ADGRL2: variants seen among roughly 807,000 people sequenced by gnomAD.
The protein encoded by ADGRL2 is adhesion G protein-coupled receptor L2, also known as calcium-independent alpha-latrotoxin receptor 2.
In ADGRL2, 44 loss-of-function variants were observed where a neutral mutation model predicts 157.4. That is an observed-to-expected ratio of 0.28 (90% confidence interval 0.22 to 0.36). The LOEUF (loss-of-function observed/expected upper bound fraction) is 0.36, where lower values mean the gene tolerates loss of function less well. Ranked by LOEUF, ADGRL2 falls within the 10% of genes least tolerant of loss-of-function variation. ADGRL2 has a pLI of 1.00. For missense variants in ADGRL2, 1,510 were observed against 1,768.9 expected (o/e 0.85, Z 2.63); for synonymous variants, 585 against 624.7 (o/e 0.94, Z 0.95).
intron 8 of ADGRL2, 152 bp from the exon 9 acceptor site, chr1:81,951,805 C>G: frequency 2.1e-6 from 1 of 484,600 alleles, no homozygotes; most frequent in South Asian, 4.0e-5. Flanking sequence ...AGCCTTGAAA[C>G]TTCTAAGACG....
At chr1:81,372,727 A>G (rs2100996257) in intron 1 of ADGRL2, among the ~76,000 whole-genome samples, 1 of 152,334 alleles carries the variant, frequency 6.6e-6, no homozygotes, top group Middle Eastern at 3.4e-3. Context: ...CTAGGCAGTT[A>G]GAGAGAATTT....
intron 1 of ADGRL2, among the ~76,000 whole-genome samples, chr1:81,386,598 G>A (rs964277485): frequency 3.9e-5 from 6 of 152,072 alleles, no homozygotes; most frequent in African/African-American, 1.4e-4. Context: ...ATATTACCAA[G>A]CTAGAAAACA....
chr1:81,360,107 A>G (rs879409796), intron 1 of ADGRL2, among the ~76,000 whole-genome samples: 1 of 151,986 alleles, frequency 6.6e-6, no homozygotes, highest in Non-Finnish European at 1.5e-5. Flanking sequence ...AAGACTGTAC[A>G]TGATCTACTC....
intron 3 of ADGRL2, among the ~76,000 whole-genome samples, chr1:81,922,476 G>A (rs552155092): frequency 5.7e-4 from 87 of 152,234 alleles, no homozygotes; most frequent in African/African-American, 2.0e-3. Context: ...ATGGAAAATA[G>A]CACTAGGATT....
intron 22 of ADGRL2, chr1:81,987,443 C>G (rs1200878128): frequency 2.5e-6 from 2 of 791,582 alleles, no homozygotes; most frequent in Admixed American, 3.4e-5. Context: ...GGATGCCTAG[C>G]TATAGAAAAC....
chr1:81,722,198 C>T (rs2084352494), intron 1 of ADGRL2: 1 of 371,492 alleles, frequency 2.7e-6, no homozygotes, highest in South Asian at 2.2e-5. Flanking sequence ...GAGGCTGAGG[C>T]AGGAGAATGG....
At chr1:81,581,888 A>G (rs868492268) in intron 3 of ADGRL2, among the ~76,000 whole-genome samples, 2,830 of 151,522 alleles carry the variant, frequency 0.019, 85 homozygotes, top group African/African-American at 0.065. Context: ...ACACACACAC[A>G]CACACACACA....
In ADGRL2 at chr1:81,602,750, T is replaced by C. The variant is rs368756084; in HGVS notation, c.-143+21770T>C. 1.2e-4 allele frequency among the ~76,000 whole-genome samples: 18 copies of C among 150,660 alleles called. No homozygotes were observed. In the South Asian group the frequency reaches 2.7e-3, roughly 23 times the overall value. ...CCTATCCCTACTAAGAATACAAAAC[T>C]AGCCAGACGAGATGGCATGCACCTG... On this transcript the variant is annotated intron_variant, in intron 3 of 24. Transcript: ENST00000370721.
At chr1:81,342,496 T>C in intron 1 of ADGRL2, among the ~76,000 whole-genome samples, 1 of 152,288 alleles carries the variant, frequency 6.6e-6, no homozygotes. Context: ...CTTGGGTCAG[T>C]CTACTATTTT....
At chr1:81,915,248 GAA>G (rs1018571851) in intron 3 of ADGRL2, among the ~76,000 whole-genome samples, 3 of 151,886 alleles carry the variant, frequency 2.0e-5, no homozygotes, top group African/African-American at 7.3e-5. Flanking sequence ...GCTAATTTTT[GAA>G]AAGTTTTTTT....
intron 1 of ADGRL2, among the ~76,000 whole-genome samples, chr1:81,815,596 TATTATTACTGCTTAAAATATTTTATAGA>T (rs2090319414): frequency 6.6e-6 from 1 of 151,818 alleles, no homozygotes. Flanking sequence ...TCTTTATTAG[TATTATTACTGCTTAAAATATTTTATAGA>T]ATTATGGTGA....
At chr1:81,763,366 C>T (rs2085968926) in intron 2 of ADGRL2, among the ~76,000 whole-genome samples, 1 of 151,916 alleles carries the variant, frequency 6.6e-6, no homozygotes. Context: ...AGGAGAATCA[C>T]CTAAGGTCAG....
intron 3 of ADGRL2, among the ~76,000 whole-genome samples, chr1:81,931,753 C>T (rs755608727): frequency 6.6e-6 from 1 of 151,904 alleles, no homozygotes; most frequent in Non-Finnish European, 1.5e-5. Context: ...CCTCAGTCTC[C>T]CCCAAGTAGC....
chr1:81,859,591 A>G (rs760477545), intron 2 of ADGRL2, among the ~76,000 whole-genome samples: 1 of 151,598 alleles, frequency 6.6e-6, no homozygotes, highest in Non-Finnish European at 1.5e-5. Flanking sequence ...ATTTTTTTGT[A>G]GACACAGGGT....
At chr1:81,438,820 C>T (rs534763460) in intron 1 of ADGRL2, among the ~76,000 whole-genome samples, 1 of 152,258 alleles carries the variant, frequency 6.6e-6, no homozygotes, top group South Asian at 2.1e-4. Context: ...TTCTATTACT[C>T]AGGATGAAGT....
chr1:81,891,959 A>ATGT (rs2094278196), intron 2 of ADGRL2, among the ~76,000 whole-genome samples: 1 of 149,368 alleles, frequency 6.7e-6, no homozygotes, highest in Non-Finnish European at 1.5e-5. Flanking sequence ...GTGGCTAATA[A>ATGT]GTGTGTGTGT....
chr1:81,986,823 T>C, intron 21 of ADGRL2, 78 bp from the exon 22 acceptor site: 3 of 1,453,146 alleles, frequency 2.1e-6, no homozygotes, highest in Non-Finnish European at 2.8e-6. Flanking sequence ...AAAAAATAGT[T>C]GACTACAACT....
At chr1:81,929,021 A>T (rs1158138567) in intron 3 of ADGRL2, among the ~76,000 whole-genome samples, 1 of 152,222 alleles carries the variant, frequency 6.6e-6, no homozygotes, top group Non-Finnish European at 1.5e-5. Flanking sequence ...TCAATAAAGG[A>T]TTGAACTAAT....
At chr1:81,396,131 C>T (rs539070011) in intron 1 of ADGRL2, among the ~76,000 whole-genome samples, 1 of 152,198 alleles carries the variant, frequency 6.6e-6, no homozygotes, top group South Asian at 2.1e-4. Flanking sequence ...TAATTCTAAT[C>T]CATGAGCATG....
Sources: allele counts gnomAD v4.1 joint callset (sites outside exome capture counted in the v4.1 genomes callset), GRCh38; gene constraint gnomAD v4.1.1; transcripts MANE v1.5; gene names NCBI Gene and HGNC (gene_info 2026-07-23, HGNC 2026-07-21).